Variants in MAP6 observed in about 807,000 individuals in gnomAD.
MAP6 encodes microtubule associated protein 6, also known as microtubule-associated protein 6.
Under a neutral mutation model 42.4 loss-of-function variants are expected in MAP6, and 26 were observed. The ratio of observed to expected loss-of-function variants is 0.61; its 90% CI spans 0.45 to 0.85. MAP6 has a LOEUF of 0.85. MAP6 is among the 40% of genes least tolerant of loss of function. The probability of loss-of-function intolerance (pLI) is 0.00; values close to 1 mark genes in which losing one functional copy is unlikely to be tolerated. For missense variants in MAP6, 966 were observed against 1,099.0 expected (o/e 0.88, Z 1.71); for synonymous variants, 418 against 443.8 (o/e 0.94, Z 0.73).
At chr11:75,595,587 G>A (rs1434442922) in intron 3 of MAP6, among the ~76,000 whole-genome samples, 1 of 152,148 alleles carries the variant, frequency 6.6e-6, no homozygotes, top group African/African-American at 2.4e-5. Context: ...AGCAGCTCTA[G>A]CTTTATCAGT....
intron 1 of MAP6, among the ~76,000 whole-genome samples, chr11:75,655,172 T>A (rs565912007): frequency 6.6e-6 from 1 of 152,336 alleles, no homozygotes; most frequent in Admixed American, 6.5e-5. Flanking sequence ...AGATGTTACA[T>A]TGAACTCTGA....
At chr11:75,607,418 G>C in intron 2 of MAP6, 1 of 985,408 alleles carries the variant, frequency 1.0e-6, no homozygotes, top group Non-Finnish European at 1.2e-6. Context: ...TATGATTCCT[G>C]CTTCACCAGC....
At chr11:75,615,626 G>C (rs77255664) in intron 1 of MAP6, among the ~76,000 whole-genome samples, 3,544 of 152,250 alleles carry the variant, frequency 0.023, 113 homozygotes, top group African/African-American at 0.076. Flanking sequence ...TTATACTTCT[G>C]AATGCTGAAG....
At position 75,668,421 on chromosome 11, in the gene MAP6, G is replaced by A. The variant is rs767379251; in HGVS notation, c.-52C>T. On this transcript the variant is annotated 5_prime_UTR_variant, in exon 1 of 4. Coordinates refer to ENST00000304771, the MANE Select transcript of MAP6 (RefSeq NM_033063.2). ...CTTTCTTCTTGTGGTTCTAAAGCAA[G>A]TCTCTATAATCTTCCTTCAGCCTCC... The A allele has an allele frequency of 6.5e-7, 1 of 1,544,224 alleles. No homozygotes were observed. Among genetic ancestry groups the A allele is most frequent in the Non-Finnish European group, 8.7e-7 (1 of 1,152,114 alleles).
At position 75,588,071 on chromosome 11, in the gene MAP6, A is replaced by G. The variant is rs371722916; in HGVS notation, c.1430T>C (p.Met477Thr). 6 of 1,613,942 alleles carry G rather than the reference A, an allele frequency of 3.7e-6. No individual in the cohort carries two copies. Among genetic ancestry groups the G allele is most frequent in the African/African-American group, 2.7e-5 (2 of 74,904 alleles). Residue 477 changes from methionine to threonine, a missense_variant, in exon 4 of 4, where the codon ATG (methionine) becomes ACG (threonine). Coordinates refer to ENST00000304771, the MANE Select transcript of MAP6 (RefSeq NM_033063.2). ...VPGLLKGQGP[M>T]VQEPLKKQGS... Reference sequence around the variant, plus strand: ...TTGCTTCTTCAGAGGCTCTTGCACCATAGGACCTTGACCTTTCAGAAGGCC... The same window carrying G: ...TTGCTTCTTCAGAGGCTCTTGCACCGTAGGACCTTGACCTTTCAGAAGGCC...
chr11:75,614,740 A>G (rs1161021338), intron 1 of MAP6, among the ~76,000 whole-genome samples: 1 of 152,234 alleles, frequency 6.6e-6, no homozygotes, highest in Non-Finnish European at 1.5e-5. Flanking sequence ...TGCCATTTAC[A>G]TGGCTAAGTT....
At position 75,667,581 on chromosome 11, in the gene MAP6, C is replaced by A; in HGVS notation, c.789G>T (p.Ala263=). ...GLGHEQTPLP[A]AQAQVQATGP... is the part of the protein sequence containing the mutation. ...CGGTGGCCTGGACCTGGGCCTGGGC[C>A]GCGGGCAGCGGCGTCTGCTCGTGCC... The change falls in exon 1 of 4, where the codon GCG becomes GCT. Residue 263 remains alanine, a synonymous_variant. Transcript: ENST00000304771. The surrounding 1 kb of genome is among the most constrained non-coding windows in gnomAD (Gnocchi z 5.6). The A allele has an allele frequency of 3.5e-6, 5 of 1,408,620 alleles. No homozygotes were observed. Among genetic ancestry groups the A allele is most frequent in the South Asian group, 1.5e-5 (1 of 65,868 alleles). 87.3% of individuals were successfully genotyped at this position (1,408,620 alleles called of 1,614,324 possible).
At chr11:75,641,501 C>T (rs189404218) in intron 1 of MAP6, among the ~76,000 whole-genome samples, 1 of 151,800 alleles carries the variant, frequency 6.6e-6, no homozygotes, top group African/African-American at 2.4e-5. Context: ...AAAAGAAATT[C>T]CAATTTAGAA....
chr11:75,597,624 CATT>C (rs776047730), intron 3 of MAP6, among the ~76,000 whole-genome samples: 31 of 152,172 alleles, frequency 2.0e-4, no homozygotes, highest in Non-Finnish European at 4.0e-4. Flanking sequence ...TGCAAATCAT[CATT>C]GTCTTCCCCC....
intron 1 of MAP6, 105 bp from the exon 2 acceptor site, chr11:75,608,427 G>T: frequency 1.2e-6 from 1 of 849,402 alleles, no homozygotes; most frequent in South Asian, 1.6e-5. Flanking sequence ...AGTGCTTGCA[G>T]CATTGACTGA....
Position 75,603,077 on chromosome 11 carries a change from G to A in MAP6, c.1316+2731C>T, listed in dbSNP as rs80080519. ...GCAACAAAACCCAGGCCACAAAATC[G>A]TAATTAGACACTTCCTGTCTGCCTC... On this transcript the variant is annotated intron_variant, in intron 3 of 3. Transcript: ENST00000304771. 4,585 of 985,654 alleles carry A rather than the reference G, an allele frequency of 4.7e-3. 123 individuals carry two copies. The East Asian group carries it at 0.12, about 26-fold the overall frequency. 61.1% of individuals were successfully genotyped at this position (985,654 alleles called of 1,614,324 possible). A position where few individuals can be genotyped will look rare whatever the true frequency, so the allele number is the denominator to read the frequency against.
At chr11:75,656,821 CAG>C (rs1014287374) in intron 1 of MAP6, among the ~76,000 whole-genome samples, 1 of 152,168 alleles carries the variant, frequency 6.6e-6, no homozygotes, top group Non-Finnish European at 1.5e-5. Context: ...GTATAACACA[CAG>C]AGAATAACGT....
chr11:75,621,052 A>G (rs1007217974), intron 1 of MAP6, among the ~76,000 whole-genome samples: 1 of 151,854 alleles, frequency 6.6e-6, no homozygotes, highest in African/African-American at 2.4e-5. Context: ...AATGGCGTGA[A>G]CCCAGGAGGC....
intron 3 of MAP6, among the ~76,000 whole-genome samples, chr11:75,602,421 C>G (rs1942678677): frequency 6.6e-6 from 1 of 152,182 alleles, no homozygotes; most frequent in Admixed American, 6.5e-5. Flanking sequence ...AGCCAGCCCC[C>G]TATGGGTGGA....
At chr11:75,616,845 G>T (rs61543559) in intron 1 of MAP6, among the ~76,000 whole-genome samples, 1 of 152,164 alleles carries the variant, frequency 6.6e-6, no homozygotes, top group African/African-American at 2.4e-5. Flanking sequence ...TTTCTCCTCC[G>T]TTAATATCCA....
intron 3 of MAP6, chr11:75,603,172 G>T: frequency 1.0e-6 from 1 of 985,534 alleles, no homozygotes; most frequent in Non-Finnish European, 1.2e-6. Flanking sequence ...GGAAGCCAAT[G>T]CGCAGCTCTT....
chr11:75,637,098 G>T (rs1272868338), intron 1 of MAP6, among the ~76,000 whole-genome samples: 1 of 152,172 alleles, frequency 6.6e-6, no homozygotes, highest in African/African-American at 2.4e-5. Context: ...GTTCACTGAA[G>T]ATGTTCCAAA....
chr11:75,605,285 G>C (rs1942740489), intron 3 of MAP6: 3 of 986,154 alleles, frequency 3.0e-6, no homozygotes, highest in African/African-American at 3.5e-5. Context: ...TTAAGGCCAA[G>C]GTTGTTTCTT....
intron 1 of MAP6, among the ~76,000 whole-genome samples, chr11:75,643,042 T>G (rs938182532): frequency 6.6e-6 from 1 of 152,178 alleles, no homozygotes; most frequent in Non-Finnish European, 1.5e-5. Context: ...TTTGTGATAC[T>G]ATTATTGGCA....
Sources: allele counts gnomAD v4.1 joint callset (sites outside exome capture counted in the v4.1 genomes callset), GRCh38; gene constraint gnomAD v4.1.1; non-coding constraint Gnocchi (gnomAD v3.1); transcripts MANE v1.5; gene names NCBI Gene and HGNC (gene_info 2026-07-23, HGNC 2026-07-21).